The following PLXNA4 variants were observed in gnomAD, a reference collection of about 807,000 sequenced individuals.
The protein encoded by PLXNA4 is plexin A4.
PLXNA4 carries 44 observed loss-of-function variants against 191.8 expected under a neutral mutation model. The ratio of observed to expected loss-of-function variants is 0.23; its 90% CI spans 0.18 to 0.29. PLXNA4 has a LOEUF of 0.29. PLXNA4 is among the 10% of genes least tolerant of loss of function. The pLI is 1.00. For synonymous variants in PLXNA4, 1,082 were observed against 1,009.5 expected (o/e 1.07, Z -1.36); for missense variants, 1,800 against 2,488.8 (o/e 0.72, Z 5.89).
intron 4 of PLXNA4, among the ~76,000 whole-genome samples, chr7:132,267,433 C>T (rs1042055790): frequency 2.6e-5 from 4 of 152,168 alleles, no homozygotes; most frequent in Non-Finnish European, 5.9e-5. Flanking sequence ...GAGCCCTCAG[C>T]CCTAGAGCAG....
chr7:132,421,631 TATA>T (rs908633745), intron 3 of PLXNA4, among the ~76,000 whole-genome samples: 9 of 152,044 alleles, frequency 5.9e-5, no homozygotes, highest in Admixed American at 3.9e-4. Context: ...CTACCTTCTA[TATA>T]ATGACTGTTG....
At chr7:132,534,686 G>A (rs1319148330) in intron 1 of PLXNA4, among the ~76,000 whole-genome samples, 2 of 152,172 alleles carry the variant, frequency 1.3e-5, no homozygotes, top group African/African-American at 2.4e-5. Context: ...GAAGGGCTAT[G>A]GAAAGAAAAT....
At chr7:132,374,643 C>T (rs1804583427) in intron 3 of PLXNA4, among the ~76,000 whole-genome samples, 1 of 152,214 alleles carries the variant, frequency 6.6e-6, no homozygotes, top group African/African-American at 2.4e-5. Context: ...AGAGTCACCA[C>T]TTGTTGAACC....
intron 5 of PLXNA4, among the ~76,000 whole-genome samples, chr7:132,240,179 CA>C (rs972723689): frequency 2.6e-5 from 4 of 152,188 alleles, no homozygotes; most frequent in Non-Finnish European, 4.4e-5. Flanking sequence ...CAAAGTGGCA[CA>C]TTTCAATTGT....
rs140943023 is a variant in PLXNA4 at position 132,609,233 on chromosome 7, A to G, written c.-87+36695T>C. Reference sequence around the variant, plus strand: ...TTTGAGTGCAGAGCCAGTCTCCTCAATGTCAGAGCAGTGCCTGACATTGAG... The same window carrying G: ...TTTGAGTGCAGAGCCAGTCTCCTCAGTGTCAGAGCAGTGCCTGACATTGAG... On this transcript the variant is annotated intron_variant, in intron 2 of 4. Coordinates refer to the PLXNA4 transcript ENST00000378539. 5.8e-3 allele frequency among the ~76,000 whole-genome samples: 880 copies of G among 152,272 alleles called. 7 individuals carry two copies. Among genetic ancestry groups the G allele is most frequent in the Middle Eastern group, 0.041 (12 of 294 alleles).
intron 3 of PLXNA4, among the ~76,000 whole-genome samples, chr7:132,338,098 T>C (rs551166484): frequency 1.2e-4 from 18 of 152,310 alleles, no homozygotes; most frequent in African/African-American, 4.3e-4. Context: ...ATGACTTTCA[T>C]CCTCTATGAA....
At position 132,594,774 on chromosome 7, in the gene PLXNA4, T is replaced by A. The variant is rs139322382; in HGVS notation, c.-87+51154A>T. ...ATCCCTTGATGGGACCCTGCTGGAC[T>A]CCATCCCACGTAATTCCAGTCTGCT... is the stretch of plus-strand genomic sequence containing the variant. On this transcript the variant is annotated intron_variant, in intron 2 of 4. Transcript: ENST00000378539. 4.6e-5 allele frequency among the ~76,000 whole-genome samples: 7 copies of A among 152,298 alleles called. No individual in the cohort carries two copies. In the East Asian group the frequency reaches 1.2e-3, roughly 25 times the overall value.
chr7:132,137,569 C>T (rs1459444668), intron 30 of PLXNA4, among the ~76,000 whole-genome samples: 1 of 152,226 alleles, frequency 6.6e-6, no homozygotes, highest in Non-Finnish European at 1.5e-5. Context: ...AGACTCTTCT[C>T]CCTTTTTCCA....
In PLXNA4 at chr7:132,598,677, A is replaced by G. The variant is rs181056339; in HGVS notation, c.-87+47251T>C. 6.2e-3 allele frequency among the ~76,000 whole-genome samples: 939 copies of G among 152,246 alleles called. 17 individuals carry two copies. The highest frequency in any genetic ancestry group is 0.021 in the African/African-American group (858 of 41,490). On this transcript the variant is annotated intron_variant, in intron 2 of 4. Transcript: ENST00000378539. ...CAAGAATTTCCTGTGAATTCTAAAT[A>G]ACAGTGCTCTGTCAGTTTTAGACAC...
chr7:132,300,483 TCCCATTAAG>T (rs1274333004), intron 3 of PLXNA4, among the ~76,000 whole-genome samples: 1 of 152,230 alleles, frequency 6.6e-6, no homozygotes, highest in Admixed American at 6.5e-5. Context: ...TTTGATGGTT[TCCCATTAAG>T]CCCATGAAAA....
chr7:132,512,451 C>T (rs1798758090), intron 1 of PLXNA4, among the ~76,000 whole-genome samples: 1 of 152,178 alleles, frequency 6.6e-6, no homozygotes, highest in Non-Finnish European at 1.5e-5. Flanking sequence ...TTATCACCCT[C>T]ATCTGGGGAT....
chr7:132,563,667 TCTCCTC>T (rs1350886330), intron 1 of PLXNA4, among the ~76,000 whole-genome samples: 4 of 27,006 alleles, frequency 1.5e-4, no homozygotes, highest in Admixed American at 3.8e-4. Flanking sequence ...TCCTCCTCCT[TCTCCTC>T]CTCTTTCTCC....
intron 2 of PLXNA4, among the ~76,000 whole-genome samples, chr7:132,607,353 C>T (rs1802946666): frequency 6.6e-6 from 1 of 152,200 alleles, no homozygotes; most frequent in Non-Finnish European, 1.5e-5. Context: ...TGCTCACCAA[C>T]CCTGGATCTC....
At chr7:132,453,136 A>G (rs934710649) in intron 3 of PLXNA4, among the ~76,000 whole-genome samples, 2 of 152,198 alleles carry the variant, frequency 1.3e-5, no homozygotes, top group Non-Finnish European at 2.9e-5. Context: ...AGGGCCAAAA[A>G]AACAGTTGCC....
intron 1 of PLXNA4, among the ~76,000 whole-genome samples, chr7:132,548,298 G>A (rs1297415414): frequency 6.6e-6 from 1 of 152,172 alleles, no homozygotes; most frequent in East Asian, 1.9e-4. Context: ...ATTGTGAGAT[G>A]ACTGAGAAAG....
intron 3 of PLXNA4, among the ~76,000 whole-genome samples, chr7:132,376,997 T>G (rs1281973540): frequency 6.6e-6 from 1 of 152,216 alleles, no homozygotes; most frequent in Non-Finnish European, 1.5e-5. Context: ...CAAACATGAA[T>G]GCCAGCAAAA....
At chr7:132,308,929 G>T (rs897996378) in intron 3 of PLXNA4, among the ~76,000 whole-genome samples, 1 of 151,924 alleles carries the variant, frequency 6.6e-6, no homozygotes, top group African/African-American at 2.4e-5. Flanking sequence ...AAAGAGGCTA[G>T]AAGATGTGGC....
At position 132,507,817 on chromosome 7, in the gene PLXNA4, A is replaced by G; in HGVS notation, c.877T>C (p.Tyr293His). The G allele has an allele frequency of 6.2e-7, 1 of 1,614,124 alleles. No homozygotes were observed. The highest frequency in any genetic ancestry group is 8.5e-7 in the Non-Finnish European group (1 of 1,180,024). ...TCACAGCCAATGGGCACCTCTACAT[A>G]GGAGTTGAAGGCTGTGTCCTCCTTG... ...LCKEDTAFNS[Y>H]VEVPIGCERS... The change falls in exon 2 of 32, where the codon TAT (tyrosine) becomes CAT (histidine). Residue 293 changes from tyrosine to histidine, a missense_variant. Around this residue, in one of 6 missense-constraint regions of PLXNA4, gnomAD observed 1,397 missense variants for 1,880.4 expected, o/e 0.74. Coordinates refer to ENST00000321063, the MANE Select transcript of PLXNA4 (RefSeq NM_020911.2).
rs369920419 is a variant in PLXNA4 at position 132,187,456 on chromosome 7, G to A, written c.2993+15C>T. On this transcript the variant is annotated intron_variant, in intron 15 of 31. Transcript: ENST00000321063. The stretch of plus-strand genomic sequence containing the variant: ...TTCCCTCTCTGGTGCTGCAGAAAGG[G>A]GCCCTCTGAGTTACCTGTGGAAGAG... 6.2e-7 allele frequency: 1 copy of A among 1,608,628 alleles called. No homozygotes were observed. The highest frequency in any genetic ancestry group is 8.5e-7 in the Non-Finnish European group (1 of 1,176,926).
Sources: gnomAD v4.1 joint callset for allele counts (sites outside exome capture counted in the v4.1 genomes callset) on GRCh38, gnomAD v4.1.1 for gene constraint, gnomAD v4.1.1 regional missense constraint, MANE v1.5 for transcripts, NCBI Gene and HGNC (gene_info 2026-07-23, HGNC 2026-07-21) for gene names.